Variants in WDR70 observed in about 807,000 individuals in gnomAD.
WDR70 encodes WD repeat domain 70.
Under a neutral mutation model 88.6 loss-of-function variants are expected in WDR70, and 53 were observed. That is an observed-to-expected ratio of 0.60 (90% CI 0.48 to 0.75). The LOEUF (loss-of-function observed/expected upper bound fraction) is 0.75, where lower values mean the gene tolerates loss of function less well. Among genes scored for constraint, WDR70 ranks in the 30% least tolerant of loss-of-function variants. The pLI is 0.00. For missense variants in WDR70, 610 were observed against 823.2 expected, an observed-to-expected ratio of 0.74 and a Z score of 3.17; for synonymous variants, 280 against 270.0, an observed-to-expected ratio of 1.04 and a Z score of -0.36.
At chr5:37,435,560 A>G (rs1167808108) in intron 5 of WDR70, among the ~76,000 whole-genome samples, 1 of 152,194 alleles carries the variant, frequency 6.6e-6, no homozygotes, top group African/African-American at 2.4e-5. Flanking sequence ...TTTGTCTTGA[A>G]AAAAACTGCA....
At chr5:37,590,892 A>T (rs1313933570) in intron 9 of WDR70, among the ~76,000 whole-genome samples, 1 of 152,172 alleles carries the variant, frequency 6.6e-6, no homozygotes, top group Non-Finnish European at 1.5e-5. Flanking sequence ...CAGAACAAAA[A>T]TCAGAGAGAG....
chr5:37,583,608 A>G, intron 9 of WDR70, among the ~76,000 whole-genome samples: 1 of 143,852 alleles, frequency 7.0e-6, no homozygotes, highest in African/African-American at 2.6e-5. Context: ...ACGCAGTCAT[A>G]GTAGGTGGGA....
At chr5:37,597,818 C>T (rs1743747970) in intron 9 of WDR70, among the ~76,000 whole-genome samples, 2 of 152,192 alleles carry the variant, frequency 1.3e-5, no homozygotes, top group Admixed American at 1.3e-4. Flanking sequence ...ACAAATTACC[C>T]AGCCACAGAT....
In WDR70 at chr5:37,514,790, C is replaced by T. The variant is rs990394712; in HGVS notation, c.841-1724C>T. On this transcript the variant is annotated intron_variant, in intron 8 of 17. Coordinates refer to ENST00000265107, the MANE Select transcript of WDR70 (RefSeq NM_018034.4). ...CCAGCACTTTGGGAGGCGAGGCAAG[C>T]GGATCACTTGATCCCAGGAGTTCAA... 6.6e-5 allele frequency among the ~76,000 whole-genome samples: 10 copies of T among 152,010 alleles called. No individual in the cohort carries two copies. The South Asian group carries it at 8.3e-4, about 13-fold the overall frequency.
At chr5:37,389,028 C>A (rs73068464) in intron 3 of WDR70, among the ~76,000 whole-genome samples, 14 of 151,688 alleles carry the variant, frequency 9.2e-5, no homozygotes, top group Non-Finnish European at 1.9e-4. Flanking sequence ...GCTGCCACCC[C>A]CCGAGGTCTG....
intron 10 of WDR70, 29 bp downstream of exon 10, chr5:37,605,267 C>A (rs1342129720): frequency 1.3e-6 from 2 of 1,575,702 alleles, no homozygotes; most frequent in Middle Eastern, 1.7e-4. Flanking sequence ...TAGAACATGG[C>A]CACCTTAAAT....
intron 5 of WDR70, among the ~76,000 whole-genome samples, chr5:37,398,879 C>T (rs1412816642): frequency 3.9e-5 from 6 of 152,172 alleles, no homozygotes; most frequent in Non-Finnish European, 7.3e-5. Context: ...CTGTGGCGCA[C>T]GCCTGTAATC....
At chr5:37,417,659 C>T (rs1749803406) in intron 5 of WDR70, among the ~76,000 whole-genome samples, 1 of 152,006 alleles carries the variant, frequency 6.6e-6, no homozygotes, top group Non-Finnish European at 1.5e-5. Context: ...CTGTCTCAGC[C>T]TTCTGAGTGG....
chr5:37,641,721 A>G (rs1397841739), intron 10 of WDR70, among the ~76,000 whole-genome samples: 1 of 151,994 alleles, frequency 6.6e-6, no homozygotes, highest in Admixed American at 6.6e-5. Context: ...CTGGCCTCAC[A>G]TGCTTTCTTA....
At chr5:37,379,435 G>A (rs1214884271) in intron 1 of WDR70, 43 bp downstream of exon 1, 4 of 1,613,622 alleles carry the variant, frequency 2.5e-6, no homozygotes, top group African/African-American at 2.7e-5. Flanking sequence ...GGCCGTGTCG[G>A]GGGAGCTGGG....
chr5:37,587,778 C>CTTTT (rs55980790), intron 9 of WDR70, among the ~76,000 whole-genome samples: 1 of 122,758 alleles, frequency 8.1e-6, no homozygotes, highest in Admixed American at 8.2e-5. Context: ...AAGCCCTATT[C>CTTTT]TTTTTTTTTT....
In WDR70 at chr5:37,379,400, T is replaced by C; in HGVS notation, c.25+8T>C. ...GCTCTGGGCCCAGCGAAGGTGGGTT[T>C]CATGAGGCGAGTCCGGGCGGGGTGG... is the stretch of plus-strand genomic sequence containing the variant. On this transcript the variant is annotated splice_region_variant and intron_variant, in intron 1 of 17. Coordinates refer to ENST00000265107, the MANE Select transcript of WDR70 (RefSeq NM_018034.4). The C allele has an allele frequency of 6.2e-7, 1 of 1,613,624 alleles. No individual in the cohort carries two copies. The highest frequency in any genetic ancestry group is 8.5e-7 in the Non-Finnish European group (1 of 1,179,824).
chr5:37,594,970 T>C (rs1743658124), intron 9 of WDR70, among the ~76,000 whole-genome samples: 1 of 152,210 alleles, frequency 6.6e-6, no homozygotes, highest in Admixed American at 6.5e-5. Flanking sequence ...GGAATGCTTG[T>C]GATTTTTGCA....
chr5:37,621,496 T>C (rs940975187), intron 10 of WDR70, among the ~76,000 whole-genome samples: 2 of 152,218 alleles, frequency 1.3e-5, no homozygotes, highest in Non-Finnish European at 2.9e-5. Context: ...AGACACATTC[T>C]CATGTGTCAT....
chr5:37,558,526 A>G (rs1742383844), intron 9 of WDR70, among the ~76,000 whole-genome samples: 1 of 151,460 alleles, frequency 6.6e-6, no homozygotes, highest in Non-Finnish European at 1.5e-5. Context: ...GGGTTTTGCC[A>G]TGTTGCCCAC....
intron 13 of WDR70, among the ~76,000 whole-genome samples, chr5:37,705,569 T>A (rs1747298835): frequency 6.6e-6 from 1 of 152,148 alleles, no homozygotes; most frequent in African/African-American, 2.4e-5. Flanking sequence ...ATTAGAATGC[T>A]ATGTTAAATA....
intron 7 of WDR70, among the ~76,000 whole-genome samples, chr5:37,470,699 A>G (rs1016849592): frequency 6.6e-6 from 1 of 152,144 alleles, no homozygotes; most frequent in Non-Finnish European, 1.5e-5. Context: ...GTATGAATAT[A>G]TATCTACTTA....
intron 7 of WDR70, among the ~76,000 whole-genome samples, chr5:37,461,587 C>G (rs1025212914): frequency 6.6e-6 from 1 of 151,918 alleles, no homozygotes; most frequent in East Asian, 1.9e-4. Flanking sequence ...GGGTTCACGC[C>G]GTTCTCCTGC....
At chr5:37,567,661 TATC>T (rs1345572910) in intron 9 of WDR70, among the ~76,000 whole-genome samples, 10 of 152,138 alleles carry the variant, frequency 6.6e-5, no homozygotes, top group African/African-American at 2.4e-4. Flanking sequence ...TGCTCCCAGT[TATC>T]ATGCCTGGCT....
Sources: allele counts gnomAD v4.1 joint callset (sites outside exome capture counted in the v4.1 genomes callset), GRCh38; gene constraint gnomAD v4.1.1; transcripts MANE v1.5; gene names NCBI Gene and HGNC (gene_info 2026-07-23, HGNC 2026-07-21).